The following SNX18 variants were observed in gnomAD, a reference collection of about 807,000 sequenced individuals.
SNX18 encodes the protein sorting nexin-18.
Under a neutral mutation model 48.7 loss-of-function variants are expected in SNX18, and 35 were observed. That is an observed-to-expected ratio of 0.72 (90% CI 0.55 to 0.95). The LOEUF (loss-of-function observed/expected upper bound fraction) is 0.95, where lower values mean the gene tolerates loss of function less well. Among genes scored for constraint, SNX18 ranks in the 40% least tolerant of loss-of-function variants. SNX18 has a pLI of 0.00. For missense variants in SNX18, 824 were observed against 871.0 expected (o/e 0.95, Z 0.68); for synonymous variants, 492 against 384.7 (o/e 1.28, Z -3.26).
At chr5:54,557,356 A>C in the SNX18 span, among the ~76,000 whole-genome samples, 1 of 152,226 alleles carries the variant, frequency 6.6e-6, no homozygotes, top group South Asian at 2.1e-4. Flanking sequence ...TGTTACAATG[A>C]ATCACCTTTA....
the SNX18 span, among the ~76,000 whole-genome samples, chr5:54,628,444 G>A: frequency 9.9e-5 from 15 of 152,166 alleles, 1 homozygote; most frequent in African/African-American, 3.4e-4. Flanking sequence ...TCTGGCCTCC[G>A]TCTTTCACTC....
At chr5:54,627,673 G>T in the SNX18 span, among the ~76,000 whole-genome samples, 499 of 152,168 alleles carry the variant, frequency 3.3e-3, 2 homozygotes, top group African/African-American at 0.011. Flanking sequence ...GGGAGCACGT[G>T]GGGGGACCAG....
At chr5:54,540,507 G>A (rs1052012554) in intron 1 of SNX18, among the ~76,000 whole-genome samples, 4 of 152,142 alleles carry the variant, frequency 2.6e-5, no homozygotes, top group African/African-American at 4.8e-5. Flanking sequence ...ATAAGCCACC[G>A]TGGCAAGCCC....
chr5:54,518,563 G>A lies in SNX18; in HGVS notation c.611G>A (p.Gly204Asp). Reference sequence around the variant, plus strand: ...TCCACGCGCTCCGACCTGTCCCTGGGTTCCCGCGGCGGCTCGGTCCCCCCG... The same window carrying A: ...TCCACGCGCTCCGACCTGTCCCTGGATTCCCGCGGCGGCTCGGTCCCCCCG... ...RLSTRSDLSL[G>D]SRGGSVPPQH... The change falls in exon 1 of 2, where the codon GGT (glycine) becomes GAT (aspartate). Residue 204 changes from glycine to aspartate, a missense_variant. By Grantham distance (94) the Gly-to-Asp change is moderately conservative. Coordinates refer to ENST00000381410, the MANE Select transcript of SNX18 (RefSeq NM_001102575.2). The A allele has an allele frequency of 2.5e-6, 4 of 1,587,244 alleles. No homozygotes were observed. The highest frequency in any genetic ancestry group is 1.1e-5 in the South Asian group (1 of 87,128).
chr5:54,541,320 GC>G (rs1561122020), intron 1 of SNX18, among the ~76,000 whole-genome samples: 2 of 152,196 alleles, frequency 1.3e-5, no homozygotes. Flanking sequence ...GAGCCACCGC[GC>G]CCGGCCCTCC....
At chr5:54,629,139 T>C in the SNX18 span, among the ~76,000 whole-genome samples, 3 of 152,238 alleles carry the variant, frequency 2.0e-5, no homozygotes, top group African/African-American at 7.2e-5. Flanking sequence ...TTGAAAACAC[T>C]GTCTCACTTG....
chr5:54,638,959 A>G, the SNX18 span, among the ~76,000 whole-genome samples: 2 of 152,236 alleles, frequency 1.3e-5, no homozygotes. Flanking sequence ...TTCTGCTCAG[A>G]CATAAGGTCT....
the SNX18 span, among the ~76,000 whole-genome samples, chr5:54,571,042 C>T: frequency 6.6e-6 from 1 of 152,154 alleles, no homozygotes; most frequent in Non-Finnish European, 1.5e-5. Context: ...ACCATGGAAA[C>T]ATACTCTATG....
chr5:54,532,905 T>TGAATATTTGTATTC (rs1762277867), intron 1 of SNX18, among the ~76,000 whole-genome samples: 2 of 152,248 alleles, frequency 1.3e-5, no homozygotes, highest in Non-Finnish European at 2.9e-5. Context: ...AAGGTATTTA[T>TGAATATTTGTATTC]ACGCAAGTGA....
chr5:54,521,180 A>C (rs181109540), intron 1 of SNX18, among the ~76,000 whole-genome samples: 2 of 152,112 alleles, frequency 1.3e-5, no homozygotes, highest in African/African-American at 4.8e-5. Context: ...AGTTTGTGCA[A>C]ATTACTGGTG....
rs745358423 is a variant in SNX18, at chr5:54,518,045, C to T, written c.93C>T (p.Ser31=). ...LREHEVLSLC[S]EQDIEGWLEG... ...AGCACGAGGTGCTGAGCCTGTGCAG[C>T]GAGCAGGACATCGAGGGCTGGCTCG... Residue 31 remains serine (S), a synonymous_variant, in exon 1 of 2, where the codon AGC becomes AGT. Coordinates refer to ENST00000381410, the MANE Select transcript of SNX18 (RefSeq NM_001102575.2). The T allele has an allele frequency of 5.8e-6, 9 of 1,546,960 alleles. No homozygotes were observed. Among genetic ancestry groups the T allele is most frequent in the East Asian group, 2.7e-5 (1 of 37,718 alleles).
the SNX18 span, among the ~76,000 whole-genome samples, chr5:54,626,909 T>A: frequency 6.6e-6 from 1 of 152,242 alleles, no homozygotes; most frequent in African/African-American, 2.4e-5. Flanking sequence ...TAGAACATGT[T>A]GCTTGGAGGA....
chr5:54,564,126 C>T, the SNX18 span, among the ~76,000 whole-genome samples: 4 of 151,920 alleles, frequency 2.6e-5, no homozygotes, highest in Non-Finnish European at 4.4e-5. Context: ...ATTAGCCAGG[C>T]GTGATGGCGG....
At chr5:54,587,903 A>G in the SNX18 span, among the ~76,000 whole-genome samples, 14 of 152,322 alleles carry the variant, frequency 9.2e-5, no homozygotes, top group South Asian at 2.9e-3. Flanking sequence ...AGATGTGGGC[A>G]TAAGATGACA....
chr5:54,519,581 C>T lies in SNX18; in HGVS notation c.1621+8C>T. The T allele has an allele frequency of 6.2e-7, 1 of 1,614,222 alleles. No homozygotes were observed. The highest frequency in any genetic ancestry group is 1.1e-5 in the South Asian group (1 of 91,088). On this transcript the variant is annotated splice_region_variant and intron_variant, in intron 1 of 1. Coordinates refer to ENST00000381410, the MANE Select transcript of SNX18 (RefSeq NM_001102575.2). ...TCATCCACGTTCAGAAAGGTAAAGC[C>T]TGGCCCTTAGAGCAGGTGATATGGA...
the SNX18 span, among the ~76,000 whole-genome samples, chr5:54,583,939 CA>C: frequency 6.6e-6 from 1 of 152,274 alleles, no homozygotes; most frequent in African/African-American, 2.4e-5. Flanking sequence ...GGTGCTGCTA[CA>C]CCTGCTGCAG....
chr5:54,639,390 G>A, the SNX18 span, among the ~76,000 whole-genome samples: 1 of 152,164 alleles, frequency 6.6e-6, no homozygotes, highest in Non-Finnish European at 1.5e-5. Flanking sequence ...ACAATAGCTG[G>A]CATATCATAG....
At chr5:54,647,012 T>A in the SNX18 span, among the ~76,000 whole-genome samples, 1 of 152,122 alleles carries the variant, frequency 6.6e-6, no homozygotes, top group African/African-American at 2.4e-5. Context: ...TCAAGAGCAA[T>A]TCGTCATCGG....
At chr5:54,566,070 A>G in the SNX18 span, among the ~76,000 whole-genome samples, 38 of 152,192 alleles carry the variant, frequency 2.5e-4, 1 homozygote, top group Non-Finnish European at 5.0e-4. Flanking sequence ...TGAGTCAGAA[A>G]CCTGGATATG....
Sources: allele counts gnomAD v4.1 joint callset (sites outside exome capture counted in the v4.1 genomes callset), GRCh38; gene constraint gnomAD v4.1.1; transcripts MANE v1.5; gene names NCBI Gene and HGNC (gene_info 2026-07-23, HGNC 2026-07-21).